The following DOCK8 variants were observed in gnomAD, a reference collection of about 807,000 sequenced individuals.
DOCK8 encodes the protein dedicator of cytokinesis 8.
A neutral mutation model predicts 245.6 loss-of-function variants in DOCK8; 141 were observed. The observed-to-expected ratio is 0.57, with a 90% CI of 0.50 to 0.66. The LOEUF (loss-of-function observed/expected upper bound fraction) is 0.66, where lower values mean the gene tolerates loss of function less well. Ranked by LOEUF, DOCK8 falls within the 30% of genes least tolerant of loss-of-function variation. The pLI is 0.00. For synonymous variants in DOCK8, 1,168 were observed against 970.2 expected (o/e 1.20, Z -3.79); for missense variants, 2,965 against 2,603.4 (o/e 1.14, Z -3.02).
At chr9:264,467 T>G (rs939070959) in intron 1 of DOCK8, among the ~76,000 whole-genome samples, 1 of 152,222 alleles carries the variant, frequency 6.6e-6, no homozygotes, top group Non-Finnish European at 1.5e-5. Flanking sequence ...TTATGGAAGT[T>G]GTACAGTTAT....
intron 23 of DOCK8, among the ~76,000 whole-genome samples, chr9:390,069 G>A (rs907606389): frequency 1.3e-5 from 2 of 152,088 alleles, no homozygotes; most frequent in South Asian, 2.1e-4. Context: ...CTGATTTTAT[G>A]GATGAGAAAA....
At chr9:334,958 C>G (rs1281215094) in intron 11 of DOCK8, among the ~76,000 whole-genome samples, 1 of 152,048 alleles carries the variant, frequency 6.6e-6, no homozygotes, top group Non-Finnish European at 1.5e-5. Context: ...TGGTACACGT[C>G]TGTAATCTCA....
chr9:386,554 ACCC>A, intron 23 of DOCK8, 128 bp downstream of exon 23: 7 of 751,788 alleles, frequency 9.3e-6, no homozygotes, highest in Non-Finnish European at 1.6e-5. Flanking sequence ...ACACACACAC[ACCC>A]CACACACACT....
In DOCK8 at chr9:422,109, G is replaced by T; in HGVS notation, c.4215G>T (p.Trp1405Cys). The part of the protein sequence containing the change: ...NLRWKKEQTH[W>C]RQANEKLDKT... ...GATGGAAGAAAGAGCAGACACATTG[G>T]CGGCAAGCTAATGAGAAGCTAGATA... The change falls in exon 33 of 48, where the codon TGG becomes TGT. Residue 1405 changes from tryptophan (W) to cysteine (C), a missense_variant. By Grantham distance (215) the Trp-to-Cys change is radical. Coordinates refer to ENST00000432829, the MANE Select transcript of DOCK8 (RefSeq NM_203447.4). The T allele has an allele frequency of 6.2e-7, 1 of 1,614,098 alleles. No individual in the cohort carries two copies. The highest frequency in any genetic ancestry group is 1.3e-5 in the African/African-American group (1 of 75,046).
chr9:445,961 C>T (rs1352276085), intron 43 of DOCK8, among the ~76,000 whole-genome samples: 2 of 152,232 alleles, frequency 1.3e-5, no homozygotes, highest in African/African-American at 4.8e-5. Flanking sequence ...CCATCCTTGC[C>T]AGCACTTGAT....
At chr9:460,455 T>C (rs1477412654) in intron 46 of DOCK8, 1 of 152,196 alleles carries the variant, frequency 6.6e-6, no homozygotes, top group Admixed American at 6.5e-5. Context: ...ACTGATCTTA[T>C]TTTACACATG....
intron 2 of DOCK8, among the ~76,000 whole-genome samples, chr9:280,275 C>G (rs2048522182): frequency 6.6e-6 from 1 of 152,158 alleles, no homozygotes; most frequent in Non-Finnish European, 1.5e-5. Flanking sequence ...ACTGCATAAG[C>G]CTTCACTAGA....
intron 1 of DOCK8, among the ~76,000 whole-genome samples, chr9:250,875 A>T (rs555490408): frequency 7.0e-4 from 107 of 152,280 alleles, no homozygotes; most frequent in African/African-American, 2.5e-3. Flanking sequence ...CAGAAGGGTG[A>T]GGGTGGTAGC....
chr9:319,015 G>A (rs2050468026), intron 7 of DOCK8, among the ~76,000 whole-genome samples: 1 of 152,204 alleles, frequency 6.6e-6, no homozygotes, highest in Admixed American at 6.5e-5. Context: ...TGTTAATGGA[G>A]GCCAAGTGTG....
At chr9:220,717 C>CTTTTTTTTTTTTT (rs3046368) in intron 1 of DOCK8, 2 of 360,476 alleles carry the variant, frequency 5.5e-6, no homozygotes, top group Non-Finnish European at 5.3e-6. Context: ...TAATTTCTTT[C>CTTTTTTTTTTTTT]TTTTTTTTTT....
At chr9:404,004 A>C (rs1266781922) in intron 26 of DOCK8, among the ~76,000 whole-genome samples, 1 of 135,386 alleles carries the variant, frequency 7.4e-6, no homozygotes, top group Non-Finnish European at 1.5e-5. Flanking sequence ...GTATATATAT[A>C]TATATATAGT....
chr9:464,327 C>G lies in DOCK8; in HGVS notation c.*108C>G. 2.1e-6 allele frequency: 2 copies of G among 932,520 alleles called. No individual in the cohort carries two copies. The highest frequency in any genetic ancestry group is 1.6e-5 in the African/African-American group (1 of 62,084). 57.8% of individuals were successfully genotyped at this position (932,520 alleles called of 1,614,324 possible). ...CCACCCAGGACTGACTGTACACTCC[C>G]TGATCAGCCAGCACTCTGGAAGCTT... On this transcript the variant is annotated 3_prime_UTR_variant, in exon 48 of 48. Coordinates refer to ENST00000432829, the MANE Select transcript of DOCK8 (RefSeq NM_203447.4).
intron 2 of DOCK8, among the ~76,000 whole-genome samples, chr9:278,003 C>T (rs552404954): frequency 6.6e-6 from 1 of 152,154 alleles, no homozygotes; most frequent in Non-Finnish European, 1.5e-5. Flanking sequence ...TTCTTTTGCA[C>T]TTCATCTTTC....
chr9:374,439 C>T (rs969666504), intron 18 of DOCK8, among the ~76,000 whole-genome samples: 2 of 142,370 alleles, frequency 1.4e-5, no homozygotes, highest in African/African-American at 5.2e-5. Context: ...ATTACTTTCA[C>T]ATGGTCCTTT....
chr9:233,747 T>C (rs1312684198), intron 1 of DOCK8, among the ~76,000 whole-genome samples: 1 of 152,120 alleles, frequency 6.6e-6, no homozygotes, highest in Non-Finnish European at 1.5e-5. Flanking sequence ...TTCCATTTGC[T>C]TGGTAGATCT....
chr9:299,275 A>T (rs986925318), intron 4 of DOCK8, among the ~76,000 whole-genome samples: 1 of 152,112 alleles, frequency 6.6e-6, no homozygotes, highest in East Asian at 1.9e-4. Context: ...GCCTACATTT[A>T]TATTTGTGAG....
At position 355,463 on chromosome 9, in the gene DOCK8, A is replaced by C. The variant is rs551418443; in HGVS notation, c.1680-12555A>C. ...GTGATCTACCCACCTTGGCCTCCCA[A>C]AGTGCTGGGATTACAGGCATGAGCC... On this transcript the variant is annotated intron_variant, in intron 14 of 47. Coordinates refer to ENST00000432829, the MANE Select transcript of DOCK8 (RefSeq NM_203447.4). Among the ~76,000 whole-genome samples, 1,077 of 152,098 alleles carry C rather than the reference A, an allele frequency of 7.1e-3. 10 individuals are homozygous for C. The highest frequency in any genetic ancestry group is 0.022 in the South Asian group (104 of 4,802).
chr9:336,320 C>T (rs577435775), intron 11 of DOCK8, among the ~76,000 whole-genome samples: 9 of 152,330 alleles, frequency 5.9e-5, no homozygotes, highest in African/African-American at 2.2e-4. Flanking sequence ...TGCCGGGTGG[C>T]ATTTGGGCTA....
chr9:457,938 A>C lies in DOCK8; in HGVS notation c.6069-5579A>C, dbSNP rs1587126242. Among the ~76,000 whole-genome samples, 2 of 152,318 alleles carry C rather than the reference A, an allele frequency of 1.3e-5. 1 individual carries two copies. The highest frequency in any genetic ancestry group is 6.8e-3 in the Middle Eastern group (2 of 294). ...AAGAAACTATGACATGAAGAGGTTA[A>C]GTAGCTTGTTTAAGGTTGCAAAGCC... On this transcript the variant is annotated intron_variant, in intron 46 of 47. Transcript: ENST00000432829.
Sources: allele counts gnomAD v4.1 joint callset (sites outside exome capture counted in the v4.1 genomes callset), GRCh38; gene constraint gnomAD v4.1.1; transcripts MANE v1.5; gene names NCBI Gene and HGNC (gene_info 2026-07-23, HGNC 2026-07-21).